The following GPR179 variants were observed in gnomAD, a reference collection of about 807,000 sequenced individuals.
GPR179 encodes G protein-coupled receptor 179, also known as probable G protein-coupled receptor 179.
A neutral mutation model predicts 70.8 loss-of-function variants in GPR179; 52 were observed. The observed-to-expected ratio is 0.73, with a 90% confidence interval of 0.59 to 0.93. GPR179 has a LOEUF of 0.93. GPR179 is among the 40% of genes least tolerant of loss of function. The pLI is 0.00. For synonymous variants in GPR179, 1,123 were observed against 1,169.0 expected (o/e 0.96, Z 0.80); for missense variants, 2,734 against 2,966.8 (o/e 0.92, Z 1.82).
chr17:38,341,954 C>A (rs1373058267), intron 1 of GPR179, among the ~76,000 whole-genome samples: 1 of 152,040 alleles, frequency 6.6e-6, no homozygotes, highest in Non-Finnish European at 1.5e-5. Flanking sequence ...CCCATCTCTA[C>A]TAAAATACAA....
chr17:38,343,709 C>A lies in GPR179; in HGVS notation c.81G>T (p.Gly27=), dbSNP rs2037473020. ...GCCFVCAWAL[G]GPRPIRSLPP... is the part of the protein sequence containing the mutation. ...GCAGAGAGCGGATGGGCCGTGGACC[C>A]CCCAGAGCCCAGGCACAGACAAAAC... Residue 27 remains glycine, a synonymous_variant, in exon 1 of 11, where the codon GGG becomes GGT. Coordinates refer to ENST00000616987, the MANE Select transcript of GPR179 (RefSeq NM_001004334.4). The surrounding 1 kb of genome is among the most constrained non-coding windows in gnomAD (Gnocchi z 4.2). 3 of 1,590,666 alleles carry A rather than the reference C, an allele frequency of 1.9e-6. No homozygotes were observed. The highest frequency in any genetic ancestry group is 2.7e-5 in the African/African-American group (2 of 74,390).
At chr17:38,332,609 GC>G in intron 10 of GPR179, among the ~76,000 whole-genome samples, 1 of 152,156 alleles carries the variant, frequency 6.6e-6, no homozygotes, top group East Asian at 1.9e-4. Context: ...GGGGGCTGAG[GC>G]TTTTTTGTGT....
intron 9 of GPR179, 106 bp from the exon 10 acceptor site, chr17:38,333,503 C>A (rs760067743): frequency 8.7e-7 from 1 of 1,154,904 alleles, no homozygotes; most frequent in East Asian, 2.6e-5. Context: ...ACGCTTCACC[C>A]CCTTCTCTGA....
At position 38,327,909 on chromosome 17, in the gene GPR179, T is replaced by G. The variant is rs146477655; in HGVS notation, c.5660A>C (p.Gln1887Pro). The G allele has an allele frequency of 1.7e-4, 277 of 1,614,216 alleles. No individual in the cohort carries two copies. The East Asian group carries it at 6.1e-3, about 35-fold the overall frequency. ...GGGCAAGTCTGAGATCTTGGGGGCC[T>G]GAGCAGGGGATTCCCTCAAGTCCTT... is the stretch of plus-strand genomic sequence containing the variant. Reference protein sequence around the residue: ...ENKDLRESPAQAPKISDLPSS... With the variant: ...ENKDLRESPAPAPKISDLPSS... The change falls in exon 11 of 11, where the codon CAG (glutamine) becomes CCG (proline). Residue 1887 changes from glutamine (Q) to proline (P), a missense_variant. Coordinates refer to ENST00000616987, the MANE Select transcript of GPR179 (RefSeq NM_001004334.4).
chr17:38,329,139 T>A lies in GPR179; in HGVS notation c.4430A>T (p.Glu1477Val), dbSNP rs2037323515. 1 of 1,613,954 alleles carries A rather than the reference T, an allele frequency of 6.2e-7. No individual in the cohort carries two copies. The highest frequency in any genetic ancestry group is 8.5e-7 in the Non-Finnish European group (1 of 1,180,038). ...ATCATCCAGCTCCCAGGGACAGATC[T>A]CTGCTTTCTGGATAGCAGGAGCATC... is the stretch of plus-strand genomic sequence containing the variant. ...AGDAPAIQKAEICPWELDDNV... is the reference protein window; with the variant it reads ...AGDAPAIQKAVICPWELDDNV... The change falls in exon 11 of 11, where the codon GAG (glutamate) becomes GTG (valine). Residue 1477 changes from glutamate to valine, a missense_variant. Glu to Val is a moderately radical substitution (Grantham distance 121, BLOSUM62 -2). Transcript: ENST00000616987.
chr17:38,327,607 C>T lies in GPR179; in HGVS notation c.5962G>A (p.Val1988Ile). The T allele has an allele frequency of 1.2e-6, 2 of 1,614,214 alleles. No individual in the cohort carries two copies. The highest frequency in any genetic ancestry group is 2.2e-5 in the East Asian group (1 of 44,876). Reference protein sequence around the residue: ...DQPKASSQRLVSTGGRAADVC... With the variant: ...DQPKASSQRLISTGGRAADVC... ...TCAGCGGCCCTGCCCCCAGTGCTGA[C>T]CAGTCTCTGGGAGCTAGCTTTAGGT... The change falls in exon 11 of 11, where the codon GTC becomes ATC. Residue 1988 changes from valine to isoleucine, a missense_variant. Coordinates refer to ENST00000616987, the MANE Select transcript of GPR179 (RefSeq NM_001004334.4).
In GPR179 at chr17:38,334,680, G is replaced by A. The variant is rs554460899; in HGVS notation, c.1784+24C>T. 5.0e-6 allele frequency: 8 copies of A among 1,611,348 alleles called. No homozygotes were observed. The highest frequency in any genetic ancestry group is 4.0e-5 in the African/African-American group (3 of 74,956). On this transcript the variant is annotated intron_variant, in intron 8 of 10. Transcript: ENST00000616987. This position sits in a 1 kb window ranked among gnomAD's most constrained non-coding sequence, Gnocchi z 4.7. ...GAGTACTGTTAGAGTGGAAGGGGGT[G>A]TGGGGAGGTGAGTCCGTCCTCACCT...
In GPR179 at chr17:38,326,471, C is replaced by A; in HGVS notation, c.7098G>T (p.Trp2366Cys). Residue 2366 changes from tryptophan (W) to cysteine (C), a missense_variant, in exon 11 of 11, where the codon TGG becomes TGT. Transcript: ENST00000616987. ...ACCTCACCTAATAAGGCTGTTACTC[C>A]CAATCCCAAGGATAGACAGTGGGAG... ...FTPPTVYPWD[W>C]E The A allele has an allele frequency of 6.2e-7, 1 of 1,601,128 alleles. No homozygotes were observed. Among genetic ancestry groups the A allele is most frequent in the South Asian group, 1.1e-5 (1 of 89,940 alleles).
At position 38,331,309 on chromosome 17, in the gene GPR179, G is replaced by A. The variant is rs1394488558; in HGVS notation, c.2260C>T (p.Leu754Phe). ...GSLPGSSRRR[L>F]LSSSLQEPEG... ...GGTTCCTGGAGGCTGGAGCTGAGGA[G>A]CCGGCGGCGGGAGGAGCCGGGCAGG... The change falls in exon 11 of 11, where the codon CTC (leucine) becomes TTC (phenylalanine). Residue 754 changes from leucine to phenylalanine, a missense_variant. Coordinates refer to ENST00000616987, the MANE Select transcript of GPR179 (RefSeq NM_001004334.4). The A allele has an allele frequency of 1.2e-6, 2 of 1,603,390 alleles. No homozygotes were observed. The highest frequency in any genetic ancestry group is 1.7e-5 in the Admixed American group (1 of 58,464).
Position 38,343,237 on chromosome 17 carries a change from C to T in GPR179, c.553G>A (p.Glu185Lys), listed in dbSNP as rs202115810. ...LQDLSGNWVQEENPPGDLDTP... is the reference protein window; with the variant it reads ...LQDLSGNWVQKENPPGDLDTP... The stretch of plus-strand genomic sequence containing the variant: ...TCCAGGTCCCCAGGAGGGTTCTCCT[C>T]CTGCACCCAGTTCCCAGACAAGTCC... Residue 185 changes from glutamate (E) to lysine (K), a missense_variant, in exon 1 of 11, where the codon GAG becomes AAG. By Grantham distance (56) the Glu-to-Lys change is moderately conservative. Coordinates refer to ENST00000616987, the MANE Select transcript of GPR179 (RefSeq NM_001004334.4). The surrounding 1 kb of genome is among the most constrained non-coding windows in gnomAD (Gnocchi z 4.2). The T allele has an allele frequency of 5.0e-6, 8 of 1,614,164 alleles. No homozygotes were observed. The highest frequency in any genetic ancestry group is 2.7e-5 in the African/African-American group (2 of 75,036).
At chr17:38,342,413 A>C (rs1332995466) in intron 1 of GPR179, among the ~76,000 whole-genome samples, 1 of 150,786 alleles carries the variant, frequency 6.6e-6, no homozygotes, top group Non-Finnish European at 1.5e-5. Flanking sequence ...GGGTCACCGC[A>C]ACGTCTGCCT....
Position 38,330,111 on chromosome 17 carries a change from AG to A in GPR179, c.3457del (p.Leu1153SerfsTer31). On this transcript the variant is annotated frameshift_variant, in exon 11 of 11. Coordinates refer to ENST00000616987, the MANE Select transcript of GPR179 (RefSeq NM_001004334.4). LOFTEE classifies it low-confidence loss of function (END_TRUNC). ...GGTGTGAGCGTTCTGTTGGTTCTGGAGGGACTCCTTGTCATCGGAGGGGATA... is the reference window on the plus strand; with the variant it reads ...GGTGTGAGCGTTCTGTTGGTTCTGGAGGACTCCTTGTCATCGGAGGGGATA... ...ALIPSDDKESLQNQQNAHTSR... is the reference protein window; with the variant it reads ...ALIPSDDKESXQNQQNAHTSR... 6.2e-7 allele frequency: 1 copy of A among 1,611,002 alleles called. No individual in the cohort carries two copies. The highest frequency in any genetic ancestry group is 2.2e-5 in the East Asian group (1 of 44,814).
intron 5 of GPR179, 32 bp from the exon 6 acceptor site, chr17:38,335,732 T>G: frequency 1.4e-6 from 2 of 1,428,450 alleles, no homozygotes; most frequent in Non-Finnish European, 2.0e-6. Context: ...CTCTGCTCTC[T>G]ACTATGCTTC....
chr17:38,331,745 G>T (rs974129347), intron 10 of GPR179, among the ~76,000 whole-genome samples: 1 of 152,162 alleles, frequency 6.6e-6, no homozygotes, highest in Non-Finnish European at 1.5e-5. Context: ...AGTCAGCTCG[G>T]AGGACTCATG....
intron 3 of GPR179, 42 bp downstream of exon 3, chr17:38,337,591 C>G (rs758600437): frequency 6.5e-7 from 1 of 1,533,808 alleles, no homozygotes; most frequent in Non-Finnish European, 9.0e-7. Flanking sequence ...CAACCATCCT[C>G]TCATGTAAAA....
chr17:38,334,367 T>C lies in GPR179; in HGVS notation c.1785-329A>G, dbSNP rs1462621347. Among the ~76,000 whole-genome samples the C allele has an allele frequency of 6.6e-6, 1 of 152,124 alleles. No individual in the cohort carries two copies. Among genetic ancestry groups the C allele is most frequent in the Non-Finnish European group, 1.5e-5 (1 of 68,024 alleles). ...ATGGACAAACAGCAGCCTGCTGCTC[T>C]TATGGCTGAGGAGTGAGGGGAGAAG... On this transcript the variant is annotated intron_variant, in intron 8 of 10. Coordinates refer to ENST00000616987, the MANE Select transcript of GPR179 (RefSeq NM_001004334.4). The surrounding 1 kb of genome is among the most constrained non-coding windows in gnomAD (Gnocchi z 4.7).
chr17:38,330,424 C>A lies in GPR179; in HGVS notation c.3145G>T (p.Ala1049Ser). ...TCCCTCTGGTGATGTGCATCCTCTGCGTCCATCTCATTCTCCCCAGCCCTG... is the reference window on the plus strand; with the variant it reads ...TCCCTCTGGTGATGTGCATCCTCTGAGTCCATCTCATTCTCCCCAGCCCTG... ...KSRAGENEMD[A>S]EDAHHQREAN... The change falls in exon 11 of 11, where the codon GCA becomes TCA. Residue 1049 changes from alanine to serine, a missense_variant. Transcript: ENST00000616987. 6.3e-7 allele frequency: 1 copy of A among 1,596,158 alleles called. No homozygotes were observed. Among genetic ancestry groups the A allele is most frequent in the Non-Finnish European group, 8.6e-7 (1 of 1,169,254 alleles).
chr17:38,335,319 T>C, intron 6 of GPR179, 48 bp from the exon 7 acceptor site: 1 of 1,417,120 alleles, frequency 7.1e-7, no homozygotes, highest in South Asian at 1.3e-5. Context: ...CCTGGGTGGA[T>C]CACGAAGAGG....
chr17:38,335,002 C>T (rs760310767), intron 7 of GPR179, 31 bp downstream of exon 7: 17 of 1,596,172 alleles, frequency 1.1e-5, no homozygotes, highest in Non-Finnish European at 1.2e-5. Flanking sequence ...CAGGGACCAG[C>T]GTAAGGCTGG....
Sources: allele counts gnomAD v4.1 joint callset (sites outside exome capture counted in the v4.1 genomes callset), GRCh38; gene constraint gnomAD v4.1.1; non-coding constraint Gnocchi (gnomAD v3.1); transcripts MANE v1.5; gene names NCBI Gene and HGNC (gene_info 2026-07-23, HGNC 2026-07-21).